Variants in HTR2C observed in about 807,000 individuals in gnomAD.
The protein encoded by HTR2C is 5-hydroxytryptamine receptor 2C, also known as 5-hydroxytryptamine (serotonin) receptor 2C, G protein-coupled.
Under a neutral mutation model 21.0 loss-of-function variants are expected in HTR2C, and 5 were observed. The observed-to-expected ratio is 0.24, with a 90% CI of 0.12 to 0.50. The LOEUF (loss-of-function observed/expected upper bound fraction) is 0.50, where lower values mean the gene tolerates loss of function less well. Ranked by LOEUF, HTR2C falls within the 20% of genes least tolerant of loss-of-function variation. HTR2C has a pLI of 0.98. For synonymous variants in HTR2C, 150 were observed against 145.3 expected (o/e 1.03, Z -0.23); for missense variants, 271 against 371.2 (o/e 0.73, Z 2.22).
intron 4 of HTR2C, among the ~76,000 whole-genome samples, chrX:114,822,504 A>G (rs2070643621): frequency 8.9e-6 from 1 of 112,213 alleles, no homozygotes; most frequent in African/African-American, 3.2e-5. Flanking sequence ...CAAGATCCAT[A>G]CAATAGAAGA....
intron 5 of HTR2C, among the ~76,000 whole-genome samples, chrX:114,849,152 G>A (rs1360167051): frequency 2.7e-5 from 3 of 111,994 alleles, no homozygotes; most frequent in Admixed American, 9.5e-5. Context: ...ATAAAAAGTC[G>A]TGAAGCTTGT....
intron 1 of HTR2C, among the ~76,000 whole-genome samples, chrX:114,600,904 G>A (rs185239191): frequency 1.9e-4 from 21 of 111,581 alleles, no homozygotes; most frequent in Admixed American, 5.7e-4. Context: ...TACAACTTCA[G>A]ATCGACAATA....
intron 4 of HTR2C, among the ~76,000 whole-genome samples, chrX:114,820,787 A>C (rs1267248571): frequency 6.3e-5 from 7 of 110,859 alleles, no homozygotes; most frequent in Admixed American, 4.8e-4. Flanking sequence ...ATGTGGAACT[A>C]TAAGTCCAAT....
intron 5 of HTR2C, among the ~76,000 whole-genome samples, chrX:114,894,928 A>G (rs1276257610): frequency 9.0e-6 from 1 of 111,035 alleles, no homozygotes; most frequent in East Asian, 2.8e-4. Flanking sequence ...CGTGTTGGCC[A>G]GGCTGGACTC....
chrX:114,899,790 G>A (rs983609949), intron 5 of HTR2C, among the ~76,000 whole-genome samples: 1 of 107,865 alleles, frequency 9.3e-6, no homozygotes, highest in African/African-American at 3.7e-5. Context: ...TGTGAGTGCC[G>A]TGGACTGTAG....
intron 2 of HTR2C, among the ~76,000 whole-genome samples, chrX:114,723,890 A>G (rs1188028972): frequency 1.0e-5 from 1 of 99,446 alleles, no homozygotes; most frequent in African/African-American, 3.6e-5. Flanking sequence ...ATAGTTTGTT[A>G]TAATCTCTGT....
At chrX:114,707,666 A>C (rs1932812187) in intron 2 of HTR2C, among the ~76,000 whole-genome samples, 2 of 110,810 alleles carry the variant, frequency 1.8e-5, no homozygotes, top group Admixed American at 9.8e-5. Flanking sequence ...TCACTATAAG[A>C]AATAATTTCT....
At chrX:114,741,582 T>A (rs1341508724) in intron 4 of HTR2C, among the ~76,000 whole-genome samples, 36 of 34,548 alleles carry the variant, frequency 1.0e-3, no homozygotes, top group Admixed American at 2.0e-3. Flanking sequence ...AGCTGAAAAG[T>A]AAGGAAGTGA....
chrX:114,890,197 A>G (rs2071248917), intron 5 of HTR2C, among the ~76,000 whole-genome samples: 1 of 111,904 alleles, frequency 8.9e-6, no homozygotes, highest in African/African-American at 3.2e-5. Context: ...TCTATAACTT[A>G]TCCTATTATA....
rs79934056 is a variant in HTR2C at position 114,727,283 on chromosome X, T to C, written c.35+312T>C. Among the ~76,000 whole-genome samples, 38 of 112,119 alleles carry C rather than the reference T, an allele frequency of 3.4e-4. No homozygotes were observed. In the East Asian group the frequency reaches 0.01, roughly 31 times the overall value. On this transcript the variant is annotated intron_variant, in intron 3 of 5. Transcript: ENST00000276198. ...TGGGTAAAACTTAGAAAGGAAAAAT[T>C]TCTGTCCTTTTCCTTCTTGCATGAA...
chrX:114,611,492 C>G (rs1427432828), intron 1 of HTR2C, among the ~76,000 whole-genome samples: 1 of 112,155 alleles, frequency 8.9e-6, no homozygotes, highest in Non-Finnish European at 1.9e-5. Flanking sequence ...ATCATTTTAT[C>G]TTCCTTTTTC....
intron 5 of HTR2C, among the ~76,000 whole-genome samples, chrX:114,859,676 C>T (rs1445698216): frequency 9.0e-6 from 1 of 110,553 alleles, no homozygotes; most frequent in African/African-American, 3.3e-5. Context: ...ATTGTTTGTC[C>T]ATTTTCTATG....
chrX:114,903,118 G>A (rs1228217510), intron 5 of HTR2C, among the ~76,000 whole-genome samples: 4 of 111,630 alleles, frequency 3.6e-5, no homozygotes, highest in Non-Finnish European at 5.6e-5. Flanking sequence ...ATCACACTTT[G>A]AGAACTGCTG....
At chrX:114,707,613 G>T (rs1556418506) in intron 2 of HTR2C, among the ~76,000 whole-genome samples, 1 of 110,567 alleles carries the variant, frequency 9.0e-6, no homozygotes, top group African/African-American at 3.3e-5. Flanking sequence ...TAAAGATGAA[G>T]GTGACTAGAG....
chrX:114,605,248 A>C lies in HTR2C; in HGVS notation c.-146-8567A>C, dbSNP rs1482228256. The stretch of plus-strand genomic sequence containing the variant: ...GAGGGGGAGGGCTAGTCATGGAACG[A>C]AACTGTAAGCCGGACCAGGTGTGAG... On this transcript the variant is annotated intron_variant, in intron 1 of 5. Coordinates refer to ENST00000276198, the MANE Select transcript of HTR2C (RefSeq NM_000868.4). Among the ~76,000 whole-genome samples, 565 of 112,423 alleles carry C rather than the reference A, an allele frequency of 5.0e-3. 4 individuals carry two copies. Among genetic ancestry groups the C allele is most frequent in the African/African-American group, 0.017 (535 of 30,665 alleles).
intron 4 of HTR2C, among the ~76,000 whole-genome samples, chrX:114,747,333 G>T (rs1488479278): frequency 8.9e-6 from 1 of 112,221 alleles, no homozygotes; most frequent in Non-Finnish European, 1.9e-5. Context: ...ATAAGATCAG[G>T]ATATCCACTT....
At chrX:114,740,462 A>C (rs1039780724) in intron 4 of HTR2C, among the ~76,000 whole-genome samples, 7 of 111,210 alleles carry the variant, frequency 6.3e-5, no homozygotes, top group Non-Finnish European at 1.3e-4. Flanking sequence ...ACTAACATCT[A>C]AAGTGTTCAC....
intron 2 of HTR2C, among the ~76,000 whole-genome samples, chrX:114,684,091 C>A (rs936884402): frequency 1.8e-5 from 2 of 111,092 alleles, no homozygotes; most frequent in Non-Finnish European, 3.8e-5. Flanking sequence ...AAGCGAAGAG[C>A]TTTATATTGA....
At chrX:114,626,891 T>C (rs1202609129) in intron 2 of HTR2C, among the ~76,000 whole-genome samples, 2 of 112,061 alleles carry the variant, frequency 1.8e-5, no homozygotes, top group Admixed American at 9.5e-5. Context: ...CAAGCCTCTA[T>C]AAAGCCTTAA....
Sources: allele counts gnomAD v4.1 joint callset (sites outside exome capture counted in the v4.1 genomes callset), GRCh38; gene constraint gnomAD v4.1.1; transcripts MANE v1.5; gene names NCBI Gene and HGNC (gene_info 2026-07-23, HGNC 2026-07-21).